The following DLC1 variants were observed in gnomAD, a reference collection of about 807,000 sequenced individuals.
DLC1 encodes the protein rho GTPase-activating protein 7.
In DLC1, 54 loss-of-function variants were observed where a neutral mutation model predicts 140.3. The observed-to-expected ratio is 0.38, with a 90% CI of 0.31 to 0.48. The LOEUF (loss-of-function observed/expected upper bound fraction) is 0.48, where lower values mean the gene tolerates loss of function less well. DLC1 is among the 20% of genes least tolerant of loss of function. The pLI is 0.96. For missense variants in DLC1, 2,536 were observed against 1,907.0 expected (o/e 1.33, Z -6.14); for synonymous variants, 986 against 728.1 (o/e 1.35, Z -5.70).
At chr8:13,237,169 T>G (rs1252756283) in intron 5 of DLC1, among the ~76,000 whole-genome samples, 1 of 149,290 alleles carries the variant, frequency 6.7e-6, no homozygotes, top group East Asian at 2.0e-4. Flanking sequence ...ACAATGATCC[T>G]GGGGAGGATG....
chr8:13,304,930 A>C, intron 5 of DLC1: 2 of 1,011,222 alleles, frequency 2.0e-6, no homozygotes, highest in Non-Finnish European at 2.4e-6. Flanking sequence ...AGTAAAAATA[A>C]ACCTTGGTAA....
intron 2 of DLC1, among the ~76,000 whole-genome samples, chr8:13,461,348 C>T (rs566032682): frequency 4.9e-4 from 75 of 152,178 alleles, no homozygotes; most frequent in Admixed American, 8.5e-4. Flanking sequence ...TATTTCAATC[C>T]ACACAATATG....
At chr8:13,209,549 TC>T (rs2117101484) in intron 5 of DLC1, among the ~76,000 whole-genome samples, 1 of 152,274 alleles carries the variant, frequency 6.6e-6, no homozygotes, top group Non-Finnish European at 1.5e-5. Context: ...TTGGATGTTG[TC>T]CCTGCCCGAA....
At chr8:13,310,928 A>G (rs1312617988) in intron 4 of DLC1, among the ~76,000 whole-genome samples, 2 of 152,220 alleles carry the variant, frequency 1.3e-5, no homozygotes, top group East Asian at 1.9e-4. Flanking sequence ...TACTATATCC[A>G]TGTATCATCT....
intron 5 of DLC1, among the ~76,000 whole-genome samples, chr8:13,185,243 T>C (rs1826288930): frequency 6.6e-6 from 1 of 150,650 alleles, no homozygotes; most frequent in African/African-American, 2.4e-5. Flanking sequence ...CACTGATGGG[T>C]CTTGACTCTT....
At chr8:13,143,039 G>C (rs557530761) in intron 5 of DLC1, among the ~76,000 whole-genome samples, 2 of 117,100 alleles carry the variant, frequency 1.7e-5, no homozygotes, top group East Asian at 2.3e-4. Flanking sequence ...GTGAAACTCC[G>C]TCTCAAAAAA....
intron 5 of DLC1, among the ~76,000 whole-genome samples, chr8:13,131,889 G>A (rs1418146307): frequency 6.6e-6 from 1 of 152,294 alleles, no homozygotes; most frequent in African/African-American, 2.4e-5. Context: ...GGGGCTGTGC[G>A]CTGAAGGACG....
At chr8:13,579,345 A>AT (rs1804973344) in intron 1 of DLC1, among the ~76,000 whole-genome samples, 1 of 51,466 alleles carries the variant, frequency 1.9e-5, no homozygotes, top group African/African-American at 9.6e-5. Context: ...ATATATATAT[A>AT]TATATATATA....
intron 2 of DLC1, among the ~76,000 whole-genome samples, chr8:13,459,072 T>A (rs1013492238): frequency 6.6e-6 from 1 of 152,248 alleles, no homozygotes; most frequent in Non-Finnish European, 1.5e-5. Flanking sequence ...TAATGAAATA[T>A]GATTTTTAAA....
chr8:13,418,954 G>T (rs1303075408), intron 2 of DLC1, among the ~76,000 whole-genome samples: 1 of 151,800 alleles, frequency 6.6e-6, no homozygotes, highest in East Asian at 1.9e-4. Flanking sequence ...GGATTCCTAA[G>T]TATTTTATTC....
intron 5 of DLC1, among the ~76,000 whole-genome samples, chr8:13,255,095 G>A (rs1332293194): frequency 1.3e-5 from 2 of 151,920 alleles, no homozygotes; most frequent in Admixed American, 1.3e-4. Flanking sequence ...TCCTGCCTCA[G>A]CCTCCCCAGT....
chr8:13,284,360 C>T lies in DLC1; in HGVS notation c.1348+20909G>A, dbSNP rs760090299. Among the ~76,000 whole-genome samples the T allele has an allele frequency of 7.2e-5, 11 of 152,070 alleles. 1 individual carries two copies. The highest frequency in any genetic ancestry group is 6.6e-4 in the Admixed American group (10 of 15,264). ...TGACCAACATGGTGAAACCCCGTCT[C>T]TACTAAAAATAGAAAAATTAGCTGG... On this transcript the variant is annotated intron_variant, in intron 5 of 17. Coordinates refer to ENST00000276297, the MANE Select transcript of DLC1 (RefSeq NM_182643.3).
chr8:13,422,595 T>C (rs1034566543), intron 2 of DLC1, among the ~76,000 whole-genome samples: 2 of 152,198 alleles, frequency 1.3e-5, no homozygotes, highest in African/African-American at 4.8e-5. Context: ...TCTCTTTGAA[T>C]GTTTTAGTTA....
At chr8:13,214,573 TTG>T in intron 5 of DLC1, 121 of 662,242 alleles carry the variant, frequency 1.8e-4, no homozygotes, top group South Asian at 6.0e-4. Flanking sequence ...TTTTTTTTTT[TTG>T]TGGCTGCCCG....
At chr8:13,336,067 G>A (rs944621757) in intron 4 of DLC1, among the ~76,000 whole-genome samples, 1 of 151,970 alleles carries the variant, frequency 6.6e-6, no homozygotes, top group African/African-American at 2.4e-5. Context: ...TACAAAAACT[G>A]GGCAGAAGGC....
chr8:13,393,552 C>G lies in DLC1; in HGVS notation c.1314+1G>C. On this transcript the variant is annotated splice_donor_variant, in intron 4 of 17. Coordinates refer to ENST00000276297, the MANE Select transcript of DLC1 (RefSeq NM_182643.3). LOFTEE classifies it high-confidence loss of function. ...ACTCTCTGTTATTATTTAGAACTCA[C>G]CGTAGTCTTGGGTTTGGTTCCAGAA... is the stretch of plus-strand genomic sequence containing the variant. 6.2e-7 allele frequency: 1 copy of G among 1,613,498 alleles called. No individual in the cohort carries two copies. Among genetic ancestry groups the G allele is most frequent in the Non-Finnish European group, 8.5e-7 (1 of 1,179,774 alleles).
chr8:13,228,073 G>C (rs1213438066), intron 5 of DLC1, among the ~76,000 whole-genome samples: 1 of 152,084 alleles, frequency 6.6e-6, no homozygotes, highest in Non-Finnish European at 1.5e-5. Flanking sequence ...ATGTATATCA[G>C]GGTATCCTGT....
chr8:13,372,908 C>G (rs1384922200), intron 4 of DLC1, among the ~76,000 whole-genome samples: 5 of 152,152 alleles, frequency 3.3e-5, no homozygotes, highest in Non-Finnish European at 7.3e-5. Flanking sequence ...TGAATGCCAT[C>G]AAACACCATG....
Position 13,092,605 on chromosome 8 carries a change from C to T in DLC1, c.3740+7G>A, listed in dbSNP as rs991124482. On this transcript the variant is annotated splice_region_variant and intron_variant, in intron 13 of 17. Transcript: ENST00000276297. Reference sequence around the variant, plus strand: ...CTGTGTGCATGCACCTCCCATGCAGCCCGTACCTGGGAGAGGAATTCTCTC... The same window carrying T: ...CTGTGTGCATGCACCTCCCATGCAGTCCGTACCTGGGAGAGGAATTCTCTC... The T allele has an allele frequency of 6.2e-7, 1 of 1,613,666 alleles. No individual in the cohort carries two copies. The highest frequency in any genetic ancestry group is 1.7e-4 in the Middle Eastern group (1 of 5,984).
Sources: gnomAD v4.1 joint callset for allele counts (sites outside exome capture counted in the v4.1 genomes callset) on GRCh38, gnomAD v4.1.1 for gene constraint, MANE v1.5 for transcripts, NCBI Gene and HGNC (gene_info 2026-07-23, HGNC 2026-07-21) for gene names.